CALHM4: variants seen among roughly 807,000 people sequenced by gnomAD.
CALHM4 encodes calcium homeostasis modulator family member 4.
A neutral mutation model predicts 13.3 loss-of-function variants in CALHM4; 16 were observed. The observed-to-expected ratio is 1.20, with a 90% CI of 0.81 to 1.82. The LOEUF (loss-of-function observed/expected upper bound fraction) is 1.82. CALHM4 is among the 40% of genes most tolerant of loss of function. CALHM4 has a pLI of 0.00. For synonymous variants in CALHM4, 127 were observed against 137.1 expected, an observed-to-expected ratio of 0.93 and a Z score of 0.52; for missense variants, 344 against 374.9, an observed-to-expected ratio of 0.92 and a Z score of 0.68.
At chr6:116,537,680 C>T (rs796687105) in intron 1 of CALHM4, among the ~76,000 whole-genome samples, 1 of 152,076 alleles carries the variant, frequency 6.6e-6, no homozygotes, top group African/African-American at 2.4e-5. Context: ...CTCGAGGAGC[C>T]CTTAAATGCA....
chr6:116,534,725 C>T (rs1772965950), intron 1 of CALHM4, among the ~76,000 whole-genome samples: 1 of 152,102 alleles, frequency 6.6e-6, no homozygotes, highest in South Asian at 2.1e-4. Context: ...TTTTTTATTA[C>T]TCATCCCCCA....
upstream of CALHM4, among the ~76,000 whole-genome samples, chr6:116,552,354 T>C (rs1774117344): frequency 6.6e-6 from 1 of 152,184 alleles, no homozygotes; most frequent in African/African-American, 2.4e-5. Flanking sequence ...CGTTTATTTT[T>C]CTTTATATTG....
At chr6:116,555,737 G>A (rs1486676451) in intron 1 of CALHM4, among the ~76,000 whole-genome samples, 1 of 152,122 alleles carries the variant, frequency 6.6e-6, no homozygotes, top group Non-Finnish European at 1.5e-5. Context: ...CACATTTCAA[G>A]AATATACATT....
chr6:116,558,148 T>C lies in CALHM4; in HGVS notation c.882T>C (p.Leu294=), dbSNP rs150229305. ...ACTTGCAAGGTCACTATAGCTTCCT[T>C]GGAAATAGGGTGGATGAGGATAATG... ...GDDLQGHYSF[L]GNRVDEDNEE... is the part of the protein sequence containing the mutation. Residue 294 remains leucine (L), a synonymous_variant, in exon 2 of 2, where the codon CTT becomes CTC. Transcript: ENST00000368596. 130 of 1,614,002 alleles carry C rather than the reference T, an allele frequency of 8.1e-5. No individual in the cohort carries two copies. The highest frequency in any genetic ancestry group is 4.7e-5 in the Non-Finnish European group (56 of 1,180,010).
chr6:116,555,937 A>G (rs1774296962), intron 1 of CALHM4, among the ~76,000 whole-genome samples: 1 of 152,236 alleles, frequency 6.6e-6, no homozygotes, highest in Admixed American at 6.5e-5. Context: ...CCTACTGCAT[A>G]TAAAGCCCTT....
At chr6:116,540,418 C>A (rs968091763) in intron 1 of CALHM4, 4 of 1,551,286 alleles carry the variant, frequency 2.6e-6, no homozygotes, top group Non-Finnish European at 3.5e-6. Context: ...CACGCAGGAT[C>A]GAGCCAAAAA....
rs1276746074 is a variant in CALHM4, at chr6:116,558,664, C to A, written c.*453C>A. 6.5e-6 allele frequency: 1 copy of A among 153,688 alleles called. No individual in the cohort carries two copies. Among genetic ancestry groups the A allele is most frequent in the African/African-American group, 2.4e-5 (1 of 41,444 alleles). The allele number at this position is 153,688 out of a possible 1,614,324, so 9.5% of individuals were successfully genotyped here. A position where few individuals can be genotyped will look rare whatever the true frequency, so the allele number is the denominator to read the frequency against. On this transcript the variant is annotated 3_prime_UTR_variant, in exon 2 of 2. Transcript: ENST00000368596. ...TTTGCATTCCATGTCTTCTATTCAC[C>A]ATTTTCCCTGCCTCTATTTTCTGGT...
Position 116,560,688 on chromosome 6 carries a change from C to A in CALHM4, c.*2477C>A, listed in dbSNP as rs1028568. 1.1e-4 allele frequency among the ~76,000 whole-genome samples: 16 copies of A among 145,976 alleles called. No homozygotes were observed. Among genetic ancestry groups the A allele is most frequent in the Non-Finnish European group, 2.2e-4 (15 of 67,210 alleles). On this transcript the variant is annotated 3_prime_UTR_variant, in exon 2 of 2. Coordinates refer to ENST00000368596, the MANE Select transcript of CALHM4 (RefSeq NM_001366078.2). ...GGCTATGGTCTATAGCATTTTTTTG[C>A]TCCACAGCTAGTTAAATGAAACTTT...
intron 1 of CALHM4, among the ~76,000 whole-genome samples, chr6:116,555,375 G>A (rs1448829148): frequency 2.0e-5 from 3 of 152,050 alleles, no homozygotes; most frequent in Non-Finnish European, 4.4e-5. Context: ...AACACACATT[G>A]GTAAGATTTT....
chr6:116,543,506 G>A (rs1380199800), intron 1 of CALHM4: 3 of 944,742 alleles, frequency 3.2e-6, no homozygotes, highest in East Asian at 2.7e-5. Context: ...GAAGTCACCT[G>A]TACATTTTTT....
At chr6:116,545,248 T>G (rs951323389) in intron 2 of CALHM4, among the ~76,000 whole-genome samples, 2 of 152,038 alleles carry the variant, frequency 1.3e-5, no homozygotes, top group African/African-American at 4.8e-5. Context: ...ATTGATATAA[T>G]TAGTCAGAAA....
chr6:116,558,514 G>T lies in CALHM4; in HGVS notation c.*303G>T. ...AATTAATATTTCTGAGTGCCATTTT[G>T]TCATCTGCACATTGTAGCTACCTCC... On this transcript the variant is annotated 3_prime_UTR_variant, in exon 2 of 2. Transcript: ENST00000368596. The T allele has an allele frequency of 3.3e-6, 1 of 301,064 alleles. No individual in the cohort carries two copies. Among genetic ancestry groups the T allele is most frequent in the Non-Finnish European group, 6.2e-6 (1 of 160,908 alleles). 18.6% of individuals were successfully genotyped at this position (301,064 alleles called of 1,614,324 possible).
chr6:116,529,694 G>A (rs1029900765), intron 1 of CALHM4, among the ~76,000 whole-genome samples: 1 of 152,210 alleles, frequency 6.6e-6, no homozygotes, highest in Non-Finnish European at 1.5e-5. Context: ...ACCCTCATGA[G>A]GTGAATGCAG....
In CALHM4 at chr6:116,553,818, G is replaced by C; in HGVS notation, c.25G>C (p.Val9Leu). ...GATGTGCCCAACTCTCAACAATATTGTGTCTTCTCTGCAGAGAAATGGAAT... is the reference window on the plus strand; with the variant it reads ...GATGTGCCCAACTCTCAACAATATTCTGTCTTCTCTGCAGAGAAATGGAAT... MCPTLNNIVSSLQRNGIFI... is the reference protein window; with the variant it reads MCPTLNNILSSLQRNGIFI... The change falls in exon 1 of 2, where the codon GTG (valine) becomes CTG (leucine). Residue 9 changes from valine (V) to leucine (L), a missense_variant. By Grantham distance (32) the Val-to-Leu change is conservative. Coordinates refer to ENST00000368596, the MANE Select transcript of CALHM4 (RefSeq NM_001366078.2). 1 of 1,550,544 alleles carries C rather than the reference G, an allele frequency of 6.4e-7. No homozygotes were observed.
At position 116,534,785 on chromosome 6, in the gene CALHM4, TAAAAG is replaced by T. The variant is rs1772969130; in HGVS notation, c.-109+5601_-109+5605del. On this transcript the variant is annotated intron_variant, in intron 1 of 2. Transcript: ENST00000368597. The stretch of plus-strand genomic sequence containing the variant: ...TAAGGTAAAATTTCAATTTATACTA[TAAAAG>T]AAAAGTTCTCTTCTTTTGCTTTCCA... 5.3e-5 allele frequency among the ~76,000 whole-genome samples: 6 copies of T among 113,366 alleles called. No individual in the cohort carries two copies. The East Asian group carries it at 1.7e-3, about 32-fold the overall frequency. 74.4% of individuals were successfully genotyped at this position (113,366 alleles called of 152,430 possible). A position where few individuals can be genotyped will look rare whatever the true frequency, so the allele number is the denominator to read the frequency against.
Position 116,559,063 on chromosome 6 carries a change from G to T in CALHM4, c.*852G>T, listed in dbSNP as rs747454557. On this transcript the variant is annotated 3_prime_UTR_variant, in exon 2 of 2. Coordinates refer to ENST00000368596, the MANE Select transcript of CALHM4 (RefSeq NM_001366078.2). Reference sequence around the variant, plus strand: ...AAAATCCATTTGTGAAACCAAAACTGCAGTCTGTACTTGTATATCCATTAT... The same window carrying T: ...AAAATCCATTTGTGAAACCAAAACTTCAGTCTGTACTTGTATATCCATTAT... Among the ~76,000 whole-genome samples, 5 of 152,118 alleles carry T rather than the reference G, an allele frequency of 3.3e-5. No homozygotes were observed. Among genetic ancestry groups the T allele is most frequent in the Non-Finnish European group, 5.9e-5 (4 of 68,010 alleles).
At chr6:116,550,019 TATATATACACAC>T (rs1344545802), upstream of CALHM4, among the ~76,000 whole-genome samples, 5 of 74,424 alleles carry the variant, frequency 6.7e-5, no homozygotes, top group African/African-American at 2.4e-4. Flanking sequence ...TATATATATA[TATATATACACAC>T]ACACACACAC....
At position 116,554,066 on chromosome 6, in the gene CALHM4, A is replaced by T; in HGVS notation, c.273A>T (p.Arg91Ser). 6.4e-7 allele frequency: 1 copy of T among 1,550,624 alleles called. No homozygotes were observed. The highest frequency in any genetic ancestry group is 8.7e-7 in the Non-Finnish European group (1 of 1,147,018). Residue 91 changes from arginine to serine, a missense_variant, in exon 1 of 2, where the codon AGA becomes AGT. Physicochemically the swap from Arg to Ser is moderately radical, Grantham distance 110. Coordinates refer to ENST00000368596, the MANE Select transcript of CALHM4 (RefSeq NM_001366078.2). ...YCCSCAPPYR[R>S]ISPLECKLAC... ...GCAGCTGTGCCCCTCCATACAGGAG[A>T]ATCAGCCCCCTAGAGTGCAAGCTGG... is the stretch of plus-strand genomic sequence containing the variant.
intron 1 of CALHM4, among the ~76,000 whole-genome samples, chr6:116,541,066 A>T (rs534592888): frequency 3.1e-4 from 47 of 152,234 alleles, no homozygotes; most frequent in African/African-American, 1.1e-3. Flanking sequence ...AAACTATGGG[A>T]TTGGGGGAAG....
Sources: gnomAD v4.1 joint callset for allele counts (sites outside exome capture counted in the v4.1 genomes callset) on GRCh38, gnomAD v4.1.1 for gene constraint, MANE v1.5 for transcripts, NCBI Gene and HGNC (gene_info 2026-07-23, HGNC 2026-07-21) for gene names.